Variants in ITPK1 observed in about 807,000 individuals in gnomAD.
ITPK1 encodes inositol 1,3,4-trisphosphate 5/6-kinase.
ITPK1 carries 21 observed loss-of-function variants against 45.3 expected under a neutral mutation model. That is an observed-to-expected ratio of 0.46 (90% confidence interval 0.33 to 0.67). The LOEUF is 0.67. ITPK1 is among the 30% of genes least tolerant of loss of function. ITPK1 has a pLI of 0.02. For missense variants in ITPK1, 474 were observed against 573.5 expected (o/e 0.83, Z 1.77); for synonymous variants, 258 against 253.6 (o/e 1.02, Z -0.16).
At chr14:92,976,124 G>A (rs1885926682) in intron 5 of ITPK1, among the ~76,000 whole-genome samples, 1 of 152,196 alleles carries the variant, frequency 6.6e-6, no homozygotes, top group Admixed American at 6.5e-5. Context: ...ACACAGTCTT[G>A]GGTATGTCCT....
At chr14:93,033,151 G>C (rs535504049) in intron 3 of ITPK1, among the ~76,000 whole-genome samples, 1 of 152,364 alleles carries the variant, frequency 6.6e-6, no homozygotes, top group Admixed American at 6.5e-5. Flanking sequence ...CTGTGATTAA[G>C]TGTCATTTGT....
chr14:93,080,846 C>G (rs1941743494), intron 2 of ITPK1, among the ~76,000 whole-genome samples: 1 of 152,038 alleles, frequency 6.6e-6, no homozygotes, highest in Non-Finnish European at 1.5e-5. Context: ...AAGCAATTCT[C>G]CTGCTTCGGC....
At chr14:92,942,091 C>T (rs551864589) in intron 10 of ITPK1, among the ~76,000 whole-genome samples, 187 bp from the exon 11 acceptor site, 2 of 152,276 alleles carry the variant, frequency 1.3e-5, no homozygotes, top group East Asian at 1.9e-4. Context: ...AAAGCTTGGA[C>T]GCCCAACCAG....
chr14:93,057,103 T>C (rs1257631875), intron 3 of ITPK1, among the ~76,000 whole-genome samples: 2 of 152,150 alleles, frequency 1.3e-5, no homozygotes, highest in Admixed American at 6.5e-5. Context: ...AGGCCGAGGA[T>C]GAGTAATGCT....
At chr14:93,097,304 G>A (rs1892117761) in intron 2 of ITPK1, among the ~76,000 whole-genome samples, 2 of 152,088 alleles carry the variant, frequency 1.3e-5, no homozygotes, top group African/African-American at 4.8e-5. Flanking sequence ...GTCTTGTTTT[G>A]GCCAACAAAC....
intron 8 of ITPK1, among the ~76,000 whole-genome samples, chr14:92,956,056 G>A (rs774370438): frequency 2.5e-4 from 38 of 152,134 alleles, no homozygotes; most frequent in Non-Finnish European, 4.0e-4. Flanking sequence ...CTTAGTTCAC[G>A]TGAACAGAAT....
At chr14:93,083,625 G>A (rs1357021641) in intron 2 of ITPK1, among the ~76,000 whole-genome samples, 1 of 152,212 alleles carries the variant, frequency 6.6e-6, no homozygotes, top group Non-Finnish European at 1.5e-5. Context: ...CCCAAGTTAT[G>A]GTCCCCTTTC....
chr14:92,963,465 C>G (rs1429487901), intron 5 of ITPK1, among the ~76,000 whole-genome samples: 1 of 152,192 alleles, frequency 6.6e-6, no homozygotes, highest in African/African-American at 2.4e-5. Context: ...CTGCCTGACC[C>G]CTCACCTGCA....
rs1014212686 is a variant in ITPK1 at position 93,081,278 on chromosome 14, G to A, written c.96-4659C>T. On this transcript the variant is annotated intron_variant, in intron 2 of 10. Transcript: ENST00000267615. ...TAACCCAGGAGGCGGGGGTTGCAGT[G>A]AGCCAAGATCGTGCCACTGCACTCC... is the stretch of plus-strand genomic sequence containing the variant. Among the ~76,000 whole-genome samples, 21 of 152,070 alleles carry A rather than the reference G, an allele frequency of 1.4e-4. No individual in the cohort carries two copies. In the East Asian group the frequency reaches 3.9e-3, roughly 28 times the overall value.
intron 3 of ITPK1, among the ~76,000 whole-genome samples, chr14:93,056,267 A>G (rs1231436360): frequency 6.6e-6 from 1 of 152,174 alleles, no homozygotes; most frequent in African/African-American, 2.4e-5. Context: ...GATCACAGGG[A>G]GGACGGTGGC....
intron 3 of ITPK1, among the ~76,000 whole-genome samples, chr14:93,028,319 T>C (rs975519182): frequency 7.9e-5 from 12 of 152,284 alleles, no homozygotes; most frequent in African/African-American, 2.9e-4. Context: ...TGGTCTCCAC[T>C]GGACTGTGAC....
chr14:93,011,475 G>A (rs1471528497), intron 4 of ITPK1, among the ~76,000 whole-genome samples: 1 of 152,246 alleles, frequency 6.6e-6, no homozygotes, highest in Non-Finnish European at 1.5e-5. Context: ...GGGACAACAT[G>A]AGAAGAACCA....
At chr14:92,972,731 C>G (rs1885723573) in intron 5 of ITPK1, among the ~76,000 whole-genome samples, 1 of 152,180 alleles carries the variant, frequency 6.6e-6, no homozygotes, top group African/African-American at 2.4e-5. Context: ...GCTGGGATTA[C>G]AGGAACACGC....
rs541651162 is a variant in ITPK1 at position 93,025,315 on chromosome 14, G to A, written c.121-8514C>T. Among the ~76,000 whole-genome samples the A allele has an allele frequency of 6.2e-4, 94 of 152,222 alleles. 1 individual carries two copies. The highest frequency in any genetic ancestry group is 1.0e-3 in the Non-Finnish European group (68 of 68,034). On this transcript the variant is annotated intron_variant, in intron 3 of 10. Coordinates refer to ENST00000267615, the MANE Select transcript of ITPK1 (RefSeq NM_014216.6). ...GTAAGGCCTGCCTAGCGCCGCCCAC[G>A]TTGCTGTCTTTCTACTTTAGTTGTG... is the stretch of plus-strand genomic sequence containing the variant.
intron 8 of ITPK1, among the ~76,000 whole-genome samples, chr14:92,957,415 G>C (rs562647558): frequency 6.7e-4 from 102 of 152,288 alleles, no homozygotes; most frequent in African/African-American, 2.1e-3. Context: ...ACATCCTTTC[G>C]AGCAGCTCCA....
At chr14:93,070,919 T>G (rs1890970409) in intron 3 of ITPK1, 1 of 153,512 alleles carries the variant, frequency 6.5e-6, no homozygotes, top group African/African-American at 2.4e-5. Flanking sequence ...AATGGTGGAG[T>G]CAGGGTGGCC....
At chr14:92,952,882 A>T (rs942909491) in intron 8 of ITPK1, among the ~76,000 whole-genome samples, 1 of 152,282 alleles carries the variant, frequency 6.6e-6, no homozygotes, top group Non-Finnish European at 1.5e-5. Context: ...CAAGAATTGC[A>T]GAACCATGAG....
chr14:93,095,624 G>T (rs1475864164), intron 2 of ITPK1, among the ~76,000 whole-genome samples: 2 of 145,178 alleles, frequency 1.4e-5, no homozygotes, highest in Non-Finnish European at 3.0e-5. Context: ...AGATTCAGGG[G>T]TACATGTGCA....
At chr14:93,051,835 G>A (rs1272806922) in intron 3 of ITPK1, among the ~76,000 whole-genome samples, 8 of 152,222 alleles carry the variant, frequency 5.3e-5, no homozygotes, top group Non-Finnish European at 8.8e-5. Context: ...CCATTGTAAC[G>A]CTAACTCACT....
Sources: allele counts gnomAD v4.1 joint callset (sites outside exome capture counted in the v4.1 genomes callset), GRCh38; gene constraint gnomAD v4.1.1; transcripts MANE v1.5; gene names NCBI Gene and HGNC (gene_info 2026-07-23, HGNC 2026-07-21).